The following ITGA10 variants were observed in gnomAD, a reference collection of about 807,000 sequenced individuals.
ITGA10 encodes the protein integrin subunit alpha 10, also known as integrin alpha-10.
In ITGA10, 105 loss-of-function variants were observed where a neutral mutation model predicts 145.2. That is an observed-to-expected ratio of 0.72 (90% CI 0.62 to 0.85). ITGA10 has a LOEUF of 0.85. Ranked by LOEUF, ITGA10 falls within the 40% of genes least tolerant of loss-of-function variation. ITGA10 has a pLI of 0.00. For synonymous variants in ITGA10, 506 were observed against 557.8 expected, an observed-to-expected ratio of 0.91 and a Z score of 1.31; for missense variants, 1,317 against 1,444.5, an observed-to-expected ratio of 0.91 and a Z score of 1.43.
Position 145,899,142 on chromosome 1 carries a change from G to A in ITGA10, c.2089+33C>T, listed in dbSNP as rs371348773. 5 of 1,614,084 alleles carry A rather than the reference G, an allele frequency of 3.1e-6. No homozygotes were observed. The East Asian group carries it at 6.7e-5, about 22-fold the overall frequency. Reference sequence around the variant, plus strand: ...TAGTGAGGAAGGCATGCAAGGAATTGAGAGTTGCCTGTGATGCATTTTAGT... The same window carrying A: ...TAGTGAGGAAGGCATGCAAGGAATTAAGAGTTGCCTGTGATGCATTTTAGT... On this transcript the variant is annotated intron_variant, in intron 16 of 29. Transcript: ENST00000369304.
intron 17 of ITGA10, 49 bp from the exon 18 acceptor site, chr1:145,898,272 A>T (rs1553746160): frequency 1.7e-6 from 2 of 1,172,502 alleles, no homozygotes; most frequent in Admixed American, 1.7e-5. Flanking sequence ...ATCTTGTGAT[A>T]ATTGTAGTGA....
chr1:145,895,949 G>A, intron 25 of ITGA10, 34 bp downstream of exon 25: 1 of 1,516,280 alleles, frequency 6.6e-7, no homozygotes, highest in Non-Finnish European at 9.2e-7. Context: ...AGCTCAAGGT[G>A]GCAGGATTCC....
chr1:145,895,037 G>A (rs1655189961), intron 27 of ITGA10, among the ~76,000 whole-genome samples: 1 of 152,030 alleles, frequency 6.6e-6, no homozygotes, highest in African/African-American at 2.4e-5. Flanking sequence ...TCCACTGAGT[G>A]TTCACCATAT....
At position 145,897,651 on chromosome 1, in the gene ITGA10, T is replaced by G; in HGVS notation, c.2435A>C (p.Lys812Thr). ...QVNMDIRGSR[K>T]APFVVRGGRR... ...GCCACCTCGAACCACAAATGGGGCC[T>G]TCCTGGGAATGATGAATGAGGGAGA... Residue 812 changes from lysine to threonine, a missense_variant and splice_region_variant, in exon 20 of 30, where the codon AAG (lysine) becomes ACG (threonine). Coordinates refer to ENST00000369304, the MANE Select transcript of ITGA10 (RefSeq NM_003637.5). 1 of 1,614,116 alleles carries G rather than the reference T, an allele frequency of 6.2e-7. No homozygotes were observed. Among genetic ancestry groups the G allele is most frequent in the Non-Finnish European group, 8.5e-7 (1 of 1,180,032 alleles).
intron 3 of ITGA10, 76 bp downstream of exon 3, chr1:145,906,965 C>T: frequency 8.2e-7 from 1 of 1,226,830 alleles, no homozygotes; most frequent in South Asian, 1.4e-5. Flanking sequence ...GGTGAAAAAG[C>T]TGAGGTATAG....
intron 5 of ITGA10, chr1:145,906,178 C>A: frequency 2.1e-6 from 1 of 473,018 alleles, no homozygotes; most frequent in Non-Finnish European, 3.9e-6. Context: ...ATCTGCCCAC[C>A]TTGGCCTCCC....
rs782591646 is a variant in ITGA10 at position 145,901,584 on chromosome 1, T to C, written c.1375A>G (p.Lys459Glu). ...TTCTTAAGCTGGAAGGCGATGACTT[T>C]TCCTCGATGTCTAAATCGAGGAGCC... ...SGAPRFRHRG[K>E]VIAFQLKKDG... Residue 459 changes from lysine to glutamate, a missense_variant, in exon 12 of 30, where the codon AAA becomes GAA. By Grantham distance (56) the Lys-to-Glu change is moderately conservative. Coordinates refer to ENST00000369304, the MANE Select transcript of ITGA10 (RefSeq NM_003637.5). This position sits in a 1 kb window ranked among gnomAD's most constrained non-coding sequence, Gnocchi z 4.3. 3.1e-6 allele frequency: 5 copies of C among 1,607,820 alleles called. No individual in the cohort carries two copies. The highest frequency in any genetic ancestry group is 3.4e-6 in the Non-Finnish European group (4 of 1,177,430).
At chr1:145,896,641 C>A in intron 23 of ITGA10, 128 bp downstream of exon 23, 2 of 788,902 alleles carry the variant, frequency 2.5e-6, no homozygotes, top group South Asian at 2.9e-5. Context: ...GGATTGAGGG[C>A]AAAAAGACTG....
chr1:145,897,996 G>T (rs587688766), intron 18 of ITGA10, 96 bp from the exon 19 acceptor site: 2 of 1,291,598 alleles, frequency 1.5e-6, no homozygotes, highest in East Asian at 2.3e-5. Context: ...GGTATATTTT[G>T]ATTAGAGGAG....
In ITGA10 at chr1:145,903,566, A is replaced by T. The variant is rs145453063; in HGVS notation, c.758+486T>A. ...CCCACTTAGCCTTCCTCTTTGTACC[A>T]TTAGTGTACATACAAAGAAAGTATG... On this transcript the variant is annotated intron_variant, in intron 7 of 29. Coordinates refer to ENST00000369304, the MANE Select transcript of ITGA10 (RefSeq NM_003637.5). Among the ~76,000 whole-genome samples, 114 of 152,240 alleles carry T rather than the reference A, an allele frequency of 7.5e-4. No individual in the cohort carries two copies. In the South Asian group the frequency reaches 8.7e-3, roughly 12 times the overall value.
Position 145,893,258 on chromosome 1 carries a change from A to C in ITGA10, c.3341T>G (p.Val1114Gly). ...SRWSESLLEVVQTRPILISLW... is the reference protein window; with the variant it reads ...SRWSESLLEVGQTRPILISLW... ...GGAGATGAGGATAGGCCGGGTCTGA[A>C]CCACCTCCAAGAGGCTCTGCGTGGA... Residue 1114 changes from valine (V) to glycine (G), a missense_variant, in exon 29 of 30, where the codon GTT becomes GGT. Physicochemically the swap from Val to Gly is moderately radical, Grantham distance 109. Coordinates refer to ENST00000369304, the MANE Select transcript of ITGA10 (RefSeq NM_003637.5). The C allele has an allele frequency of 1.2e-6, 2 of 1,613,686 alleles. No homozygotes were observed. The highest frequency in any genetic ancestry group is 8.5e-7 in the Non-Finnish European group (1 of 1,179,600).
Position 145,910,034 on chromosome 1 carries a change from A to C in ITGA10, c.-20T>G. 1.9e-6 allele frequency: 3 copies of C among 1,605,468 alleles called. No individual in the cohort carries two copies. The highest frequency in any genetic ancestry group is 2.6e-6 in the Non-Finnish European group (3 of 1,172,684). Reference sequence around the variant, plus strand: ...TTCCATGCCTGATCGGTTTCTGTCCAGTATGAGAAGTCCTCTGGCCTCTGT... The same window carrying C: ...TTCCATGCCTGATCGGTTTCTGTCCCGTATGAGAAGTCCTCTGGCCTCTGT... On this transcript the variant is annotated 5_prime_UTR_variant, in exon 1 of 30. Coordinates refer to ENST00000369304, the MANE Select transcript of ITGA10 (RefSeq NM_003637.5).
chr1:145,902,163 A>C (rs1656430346), intron 10 of ITGA10, 83 bp downstream of exon 10: 1 of 1,571,646 alleles, frequency 6.4e-7, no homozygotes, highest in Non-Finnish European at 8.7e-7. Context: ...AGGCTGGTTA[A>C]AGGAGGAATC....
intron 27 of ITGA10, 109 bp downstream of exon 27, chr1:145,895,171 A>G (rs1451525067): frequency 2.8e-6 from 2 of 702,116 alleles, no homozygotes; most frequent in African/African-American, 1.8e-5. Flanking sequence ...TCAAATAGCT[A>G]GTAAGAGGCA....
chr1:145,901,365 G>A lies in ITGA10; in HGVS notation c.1444-87C>T. 1.3e-6 allele frequency: 2 copies of A among 1,537,562 alleles called. No individual in the cohort carries two copies. The highest frequency in any genetic ancestry group is 1.2e-5 in the South Asian group (1 of 82,656). On this transcript the variant is annotated intron_variant, in intron 12 of 29. Coordinates refer to ENST00000369304, the MANE Select transcript of ITGA10 (RefSeq NM_003637.5). The surrounding 1 kb of genome is among the most constrained non-coding windows in gnomAD (Gnocchi z 4.3). ...CTCAGTGGGAAGCACTCACCAGCCT[G>A]CTAGTCTGCTCCTTACATCCCTGAC...
chr1:145,906,183 C>T (rs1657115780), intron 5 of ITGA10: 1 of 483,016 alleles, frequency 2.1e-6, no homozygotes, highest in African/African-American at 2.0e-5. Flanking sequence ...CCCACCTTGG[C>T]CTCCCAAAGT....
chr1:145,893,044 C>A lies in ITGA10; in HGVS notation c.3438+117G>T, dbSNP rs879949982. On this transcript the variant is annotated intron_variant, in intron 29 of 29. Transcript: ENST00000369304. Reference sequence around the variant, plus strand: ...TGGGGTACAGTGAAGGAGATCTGGGCATGACATCCACAGCCTGGTTAGCTG... The same window carrying A: ...TGGGGTACAGTGAAGGAGATCTGGGAATGACATCCACAGCCTGGTTAGCTG... 21 of 911,686 alleles carry A rather than the reference C, an allele frequency of 2.3e-5. No homozygotes were observed. In the South Asian group the frequency reaches 2.9e-4, roughly 13 times the overall value. The allele number at this position is 911,686 out of a possible 1,614,324, so 56.5% of individuals were successfully genotyped here.
In ITGA10 at chr1:145,895,407, C is replaced by G. The variant is rs963397255; in HGVS notation, c.3115-14G>C. On this transcript the variant is annotated splice_polypyrimidine_tract_variant and intron_variant, in intron 26 of 29. Coordinates refer to ENST00000369304, the MANE Select transcript of ITGA10 (RefSeq NM_003637.5). ...ATTGCTCCCATTCTAACAGAAGAGA[C>G]AGAGAGAGACAGATCAGGACTCTGG... 6.3e-7 allele frequency: 1 copy of G among 1,594,926 alleles called. No individual in the cohort carries two copies. Among genetic ancestry groups the G allele is most frequent in the South Asian group, 1.1e-5 (1 of 90,444 alleles).
chr1:145,899,975 A>T, intron 15 of ITGA10, 82 bp downstream of exon 15: 2 of 1,438,780 alleles, frequency 1.4e-6, no homozygotes, highest in African/African-American at 2.8e-5. Context: ...AAGAAAACCA[A>T]ATCTCCATCT....
Sources: gnomAD v4.1 joint callset for allele counts (sites outside exome capture counted in the v4.1 genomes callset) on GRCh38, gnomAD v4.1.1 for gene constraint, Gnocchi (gnomAD v3.1) non-coding constraint, MANE v1.5 for transcripts, NCBI Gene and HGNC (gene_info 2026-07-23, HGNC 2026-07-21) for gene names.